WDR33: variants seen among roughly 807,000 people sequenced by gnomAD.
The protein encoded by WDR33 is pre-mRNA 3' end processing protein WDR33.
WDR33 carries 47 observed loss-of-function variants against 164.9 expected under a neutral mutation model. The ratio of observed to expected loss-of-function variants is 0.29; its 90% CI spans 0.23 to 0.36. The LOEUF is 0.36. Among genes scored for constraint, WDR33 ranks in the 10% least tolerant of loss-of-function variants. WDR33 has a pLI of 1.00. For synonymous variants in WDR33, 505 were observed against 589.0 expected (o/e 0.86, Z 2.06); for missense variants, 1,137 against 1,754.1 (o/e 0.65, Z 6.28).
In WDR33 at chr2:127,740,016, C is replaced by T. The variant is rs540233225; in HGVS notation, c.725-13239G>A. Among the ~76,000 whole-genome samples the T allele has an allele frequency of 3.3e-5, 5 of 152,264 alleles. No homozygotes were observed. In the South Asian group the frequency reaches 6.2e-4, roughly 19 times the overall value. On this transcript the variant is annotated intron_variant, in intron 7 of 21. Transcript: ENST00000322313. ...AACACAAAATGAGAGACCACCATTA[C>T]ATTCACTATGTTGATTATGTTTTTT...
chr2:127,806,967 G>C (rs758867512), intron 1 of WDR33, among the ~76,000 whole-genome samples: 8 of 152,114 alleles, frequency 5.3e-5, no homozygotes, highest in Non-Finnish European at 1.2e-4. Flanking sequence ...GAAGGCATAT[G>C]GGTGTTCACT....
At chr2:127,788,110 G>A (rs1688666892) in intron 1 of WDR33, among the ~76,000 whole-genome samples, 2 of 95,896 alleles carry the variant, frequency 2.1e-5, no homozygotes, top group African/African-American at 5.2e-5. Context: ...CGGCTGGCCG[G>A]GCTGAGGGGC....
chr2:127,724,286 T>C lies in WDR33; in HGVS notation c.1196+47A>G. 1 of 1,416,326 alleles carries C rather than the reference T, an allele frequency of 7.1e-7. No individual in the cohort carries two copies. Among genetic ancestry groups the C allele is most frequent in the Non-Finnish European group, 9.9e-7 (1 of 1,007,276 alleles). The allele number at this position is 1,416,326 out of a possible 1,614,324, so 87.7% of individuals were successfully genotyped here. On this transcript the variant is annotated intron_variant, in intron 11 of 21. Transcript: ENST00000322313. This position sits in a 1 kb window ranked among gnomAD's most constrained non-coding sequence, Gnocchi z 4.8. The stretch of plus-strand genomic sequence containing the variant: ...AAAAATAAACACATACAGTATTTAT[T>C]TCCTGTTGCTCCATATAAAGCTTTG...
chr2:127,725,534 G>C (rs1373841932), intron 8 of WDR33, among the ~76,000 whole-genome samples: 2 of 152,096 alleles, frequency 1.3e-5, no homozygotes, highest in Non-Finnish European at 2.9e-5. Flanking sequence ...GTCAGTTCAA[G>C]ACCAGCCTGG....
chr2:127,749,317 G>A (rs1345064315), intron 7 of WDR33, among the ~76,000 whole-genome samples: 1 of 152,186 alleles, frequency 6.6e-6, no homozygotes, highest in Non-Finnish European at 1.5e-5. Context: ...CTGGGTGACT[G>A]AGTGAAACGG....
rs1452997856 is a variant in WDR33 at position 127,726,247 on chromosome 2, C to T, written c.851+404G>A. ...ATCAGACAAAAAATGAGAAGTGGTT[C>T]AAAACCAGAAGAAAACCCTCTCGAA... On this transcript the variant is annotated intron_variant, in intron 8 of 21. Coordinates refer to ENST00000322313, the MANE Select transcript of WDR33 (RefSeq NM_018383.5). The surrounding 1 kb of genome is among the most constrained non-coding windows in gnomAD (Gnocchi z 4.8). 2.6e-5 allele frequency among the ~76,000 whole-genome samples: 4 copies of T among 152,170 alleles called. No homozygotes were observed. Among genetic ancestry groups the T allele is most frequent in the African/African-American group, 9.7e-5 (4 of 41,432 alleles).
intron 7 of WDR33, among the ~76,000 whole-genome samples, chr2:127,758,041 G>A (rs1273434760): frequency 2.0e-5 from 3 of 152,028 alleles, no homozygotes; most frequent in African/African-American, 4.8e-5. Context: ...AAACTCCTGC[G>A]TAAGTCTCAA....
At chr2:127,777,447 C>T (rs530540728) in intron 1 of WDR33, among the ~76,000 whole-genome samples, 1 of 152,306 alleles carries the variant, frequency 6.6e-6, no homozygotes, top group South Asian at 2.1e-4. Flanking sequence ...TCAAGAAAAC[C>T]AGGAAGGCCA....
chr2:127,763,781 C>G lies in WDR33; in HGVS notation c.627-622G>C, dbSNP rs1183011716. On this transcript the variant is annotated intron_variant, in intron 6 of 21. Coordinates refer to ENST00000322313, the MANE Select transcript of WDR33 (RefSeq NM_018383.5). This position sits in a 1 kb window ranked among gnomAD's most constrained non-coding sequence, Gnocchi z 4.5. ...CTTGTGTGTAAAGCCAAAGAATCTG[C>G]TGCAAGAAGGAGTCAGTTTTTCCCA... 2 of 985,496 alleles carry G rather than the reference C, an allele frequency of 2.0e-6. No homozygotes were observed. Among genetic ancestry groups the G allele is most frequent in the South Asian group, 4.7e-5 (1 of 21,290 alleles). 61.0% of individuals were successfully genotyped at this position (985,496 alleles called of 1,614,324 possible). A position where few individuals can be genotyped will look rare whatever the true frequency, so the allele number is the denominator to read the frequency against.
rs1687783551 is a variant in WDR33 at position 127,765,063 on chromosome 2, C to T, written c.475-84G>A. 1.9e-6 allele frequency: 3 copies of T among 1,559,546 alleles called. No homozygotes were observed. The highest frequency in any genetic ancestry group is 1.8e-5 in the Admixed American group (1 of 55,754). The stretch of plus-strand genomic sequence containing the variant: ...GGCTTACAAGAGCATATAACTGACT[C>T]GAGGTAATAATTCGTCCCAATTCTA... On this transcript the variant is annotated intron_variant, in intron 5 of 21. Coordinates refer to ENST00000322313, the MANE Select transcript of WDR33 (RefSeq NM_018383.5).
chr2:127,707,746 C>T (rs965587053), intron 21 of WDR33, among the ~76,000 whole-genome samples: 1 of 152,212 alleles, frequency 6.6e-6, no homozygotes, highest in African/African-American at 2.4e-5. Context: ...AGGTGGATCA[C>T]TTGAGGCCAG....
At chr2:127,736,870 G>T in intron 7 of WDR33, 1 of 985,372 alleles carries the variant, frequency 1.0e-6, no homozygotes, top group South Asian at 4.7e-5. Flanking sequence ...GTATAAACAG[G>T]AAAGTGCACA....
chr2:127,794,833 CAAAAAAAAA>C lies in WDR33; in HGVS notation c.-24+16170_-24+16178del, dbSNP rs990234716. Among the ~76,000 whole-genome samples the C allele has an allele frequency of 2.5e-4, 20 of 79,304 alleles. No homozygotes were observed. In the South Asian group the frequency reaches 2.8e-3, roughly 11 times the overall value. 52.0% of individuals were successfully genotyped at this position (79,304 alleles called of 152,430 possible). On this transcript the variant is annotated intron_variant, in intron 1 of 21. Transcript: ENST00000322313. ...TGGGCGACAAAGCGAGACTCCGTTT[CAAAAAAAAA>C]AAAAAAAAAAGAAAGAAAGAAAGAA...
At chr2:127,759,192 A>G (rs996060148) in intron 7 of WDR33, among the ~76,000 whole-genome samples, 16 of 152,238 alleles carry the variant, frequency 1.1e-4, no homozygotes, top group African/African-American at 3.6e-4. Context: ...GTGGACATAT[A>G]CATAGTGCTT....
In WDR33 at chr2:127,763,497, A is replaced by AT; in HGVS notation, c.627-339dup. On this transcript the variant is annotated intron_variant, in intron 6 of 21. Transcript: ENST00000322313. The surrounding 1 kb of genome is among the most constrained non-coding windows in gnomAD (Gnocchi z 4.5). Reference sequence around the variant, plus strand: ...TAAGTGGTGAAAATAAATGGATTCTATTTTTGCAGTATTCCTGCAGTCTTT... The same window carrying AT: ...TAAGTGGTGAAAATAAATGGATTCTATTTTTTGCAGTATTCCTGCAGTCTTT... The AT allele has an allele frequency of 9.3e-7, 1 of 1,070,478 alleles. No individual in the cohort carries two copies. The highest frequency in any genetic ancestry group is 1.1e-6 in the Non-Finnish European group (1 of 881,992). The allele number at this position is 1,070,478 out of a possible 1,614,324, so 66.3% of individuals were successfully genotyped here. A position where few individuals can be genotyped will look rare whatever the true frequency, so the allele number is the denominator to read the frequency against.
intron 1 of WDR33, among the ~76,000 whole-genome samples, chr2:127,800,400 C>T (rs554820117): frequency 1.3e-5 from 2 of 151,962 alleles, no homozygotes; most frequent in Non-Finnish European, 2.9e-5. Context: ...TTTGGGAGGC[C>T]GCGGCAGGCG....
At chr2:127,785,443 C>G (rs1160314142) in intron 1 of WDR33, among the ~76,000 whole-genome samples, 3 of 152,186 alleles carry the variant, frequency 2.0e-5, no homozygotes, top group Non-Finnish European at 4.4e-5. Context: ...ATAGTTTCTG[C>G]TGCCCTAAAA....
chr2:127,776,845 T>C (rs943877400), intron 1 of WDR33, among the ~76,000 whole-genome samples: 5 of 152,240 alleles, frequency 3.3e-5, no homozygotes, highest in Non-Finnish European at 7.3e-5. Context: ...ACGCTTTACT[T>C]GGGATTATAC....
At chr2:127,786,093 G>A (rs1169939527) in intron 1 of WDR33, among the ~76,000 whole-genome samples, 1 of 152,186 alleles carries the variant, frequency 6.6e-6, no homozygotes, top group Non-Finnish European at 1.5e-5. Flanking sequence ...AAGTGCAGTA[G>A]CACAATCACA....
Sources: gnomAD v4.1 joint callset for allele counts (sites outside exome capture counted in the v4.1 genomes callset) on GRCh38, gnomAD v4.1.1 for gene constraint, Gnocchi (gnomAD v3.1) non-coding constraint, MANE v1.5 for transcripts, NCBI Gene and HGNC (gene_info 2026-07-23, HGNC 2026-07-21) for gene names.